Variants in ANO6 observed in about 807,000 individuals in gnomAD.
The protein encoded by ANO6 is anoctamin 6.
ANO6 carries 106 observed loss-of-function variants against 117.5 expected under a neutral mutation model. The observed-to-expected ratio is 0.90, with a 90% CI of 0.77 to 1.06. ANO6 has a LOEUF of 1.06. Among genes scored for constraint, ANO6 ranks in the 50% least tolerant of loss-of-function variants. ANO6 has a pLI of 0.00. For missense variants in ANO6, 955 were observed against 1,121.1 expected (o/e 0.85, Z 2.12); for synonymous variants, 367 against 385.1 (o/e 0.95, Z 0.55).
chr12:45,281,505 G>T (rs1377257437), intron 1 of ANO6, among the ~76,000 whole-genome samples: 1 of 152,172 alleles, frequency 6.6e-6, no homozygotes, highest in Non-Finnish European at 1.5e-5. Context: ...CGAAGGGGAG[G>T]CAGCATGTCC....
intron 8 of ANO6, among the ~76,000 whole-genome samples, chr12:45,365,344 T>A (rs1028375399): frequency 1.3e-5 from 2 of 152,232 alleles, no homozygotes; most frequent in Admixed American, 1.3e-4. Context: ...TTGGAGCTTT[T>A]TAGAGCCCCC....
At chr12:45,385,036 A>C (rs1942260543) in intron 10 of ANO6, among the ~76,000 whole-genome samples, 1 of 152,006 alleles carries the variant, frequency 6.6e-6, no homozygotes, top group Non-Finnish European at 1.5e-5. Context: ...ATTATTCCCC[A>C]GGTGGTGGGG....
intron 1 of ANO6, among the ~76,000 whole-genome samples, chr12:45,261,203 T>C (rs1205067241): frequency 6.6e-6 from 1 of 152,180 alleles, no homozygotes; most frequent in Non-Finnish European, 1.5e-5. Context: ...TTCCAGTTAT[T>C]GAGGAACAAA....
intron 1 of ANO6, among the ~76,000 whole-genome samples, chr12:45,217,180 G>A (rs766318765): frequency 6.6e-6 from 1 of 152,062 alleles, no homozygotes; most frequent in Non-Finnish European, 1.5e-5. Context: ...GTGAGGAAGG[G>A]GAAAGGAATG....
intron 10 of ANO6, among the ~76,000 whole-genome samples, chr12:45,384,638 C>T (rs956614797): frequency 6.6e-5 from 10 of 152,186 alleles, no homozygotes; most frequent in African/African-American, 2.4e-4. Flanking sequence ...AGACCACACA[C>T]ATTTGTTAAT....
intron 3 of ANO6, among the ~76,000 whole-genome samples, chr12:45,342,401 G>T (rs1592989529): frequency 6.6e-6 from 1 of 152,324 alleles, no homozygotes. Context: ...ATTCTGGGCT[G>T]TCTAAGCCTC....
At chr12:45,352,862 ATC>A (rs1247755575) in intron 7 of ANO6, among the ~76,000 whole-genome samples, 43 of 152,282 alleles carry the variant, frequency 2.8e-4, no homozygotes, top group African/African-American at 1.0e-3. Flanking sequence ...AGTTAATACA[ATC>A]TCTCAAATTT....
At chr12:45,417,874 G>A (rs1943253569) in intron 17 of ANO6, among the ~76,000 whole-genome samples, 1 of 152,182 alleles carries the variant, frequency 6.6e-6, no homozygotes, top group Admixed American at 6.5e-5. Context: ...AGGCTCTAGA[G>A]TCAGGTAGAC....
chr12:45,407,422 C>G (rs979602130), intron 15 of ANO6, among the ~76,000 whole-genome samples: 2 of 144,916 alleles, frequency 1.4e-5, no homozygotes, highest in South Asian at 2.2e-4. Flanking sequence ...ACCCAGTGAC[C>G]TTAGAGTTCG....
intron 15 of ANO6, among the ~76,000 whole-genome samples, chr12:45,405,070 G>C (rs570813357): frequency 2.0e-5 from 3 of 151,976 alleles, no homozygotes; most frequent in Non-Finnish European, 4.4e-5. Flanking sequence ...ACCCAGAAAG[G>C]GATTCTGGCT....
chr12:45,435,086 T>C (rs1943692771), downstream of ANO6, among the ~76,000 whole-genome samples: 1 of 152,232 alleles, frequency 6.6e-6, no homozygotes, highest in Admixed American at 6.5e-5. Context: ...GTGAACAGTG[T>C]AATTCCTAAT....
intron 1 of ANO6, among the ~76,000 whole-genome samples, chr12:45,278,305 G>C (rs1005531366): frequency 8.5e-5 from 13 of 152,304 alleles, no homozygotes; most frequent in African/African-American, 3.1e-4. Context: ...TTTGTTTTCA[G>C]TCGTGGGAGA....
intron 1 of ANO6, among the ~76,000 whole-genome samples, chr12:45,230,343 C>A (rs1164596996): frequency 6.6e-6 from 1 of 151,678 alleles, no homozygotes; most frequent in Non-Finnish European, 1.5e-5. Flanking sequence ...AACTTTGGGG[C>A]CTTGGTTTCC....
At chr12:45,336,613 A>G (rs185939531) in intron 3 of ANO6, among the ~76,000 whole-genome samples, 5 of 152,160 alleles carry the variant, frequency 3.3e-5, no homozygotes, top group East Asian at 3.9e-4. Context: ...AAACAAACCT[A>G]TTAGGCTGGG....
chr12:45,434,257 T>G (rs1218959456), downstream of ANO6, among the ~76,000 whole-genome samples: 1 of 152,174 alleles, frequency 6.6e-6, no homozygotes, highest in Non-Finnish European at 1.5e-5. Context: ...TGCCATTACT[T>G]TCTTTCTTGT....
At chr12:45,270,513 C>A in intron 1 of ANO6, 1 of 1,243,838 alleles carries the variant, frequency 8.0e-7, no homozygotes, top group Non-Finnish European at 1.1e-6. Flanking sequence ...ACTCACCTCC[C>A]ATCCAGCCTG....
chr12:45,317,173 C>T (rs1940073642), intron 2 of ANO6, among the ~76,000 whole-genome samples: 1 of 124,326 alleles, frequency 8.0e-6, no homozygotes, highest in African/African-American at 2.8e-5. Context: ...GCACAACCTG[C>T]AGGTTTGTTA....
rs528530259 is a variant in ANO6 at position 45,343,012 on chromosome 12, A to C, written c.280-4010A>C. 5.9e-5 allele frequency among the ~76,000 whole-genome samples: 9 copies of C among 152,268 alleles called. No individual in the cohort carries two copies. The South Asian group carries it at 1.9e-3, about 32-fold the overall frequency. ...AAGAAAGAGACTGGCAGGAATTTCCAGTGAGTGGCTGCCCTTTTCTCTGTA... is the reference window on the plus strand; with the variant it reads ...AAGAAAGAGACTGGCAGGAATTTCCCGTGAGTGGCTGCCCTTTTCTCTGTA... On this transcript the variant is annotated intron_variant, in intron 3 of 19. Coordinates refer to ENST00000320560, the MANE Select transcript of ANO6 (RefSeq NM_001025356.3).
chr12:45,379,414 T>C (rs981032129), intron 10 of ANO6, among the ~76,000 whole-genome samples: 7 of 152,226 alleles, frequency 4.6e-5, no homozygotes, highest in Non-Finnish European at 1.0e-4. Flanking sequence ...CCATTTAGCA[T>C]GTTTTGGCTG....
Sources: allele counts gnomAD v4.1 joint callset (sites outside exome capture counted in the v4.1 genomes callset), GRCh38; gene constraint gnomAD v4.1.1; transcripts MANE v1.5; gene names NCBI Gene and HGNC (gene_info 2026-07-23, HGNC 2026-07-21).